HOGA1: variants seen among roughly 807,000 people sequenced by gnomAD.
HOGA1 encodes 4-hydroxy-2-oxoglutarate aldolase 1, also known as 4-hydroxy-2-oxoglutarate aldolase, mitochondrial.
HOGA1 carries 30 observed loss-of-function variants against 34.3 expected under a neutral mutation model. The observed-to-expected ratio is 0.87, with a 90% CI of 0.65 to 1.19. The LOEUF (loss-of-function observed/expected upper bound fraction) is 1.19. Ranked by LOEUF, HOGA1 falls within the 50% of genes most tolerant of loss-of-function variation. The probability of loss-of-function intolerance (pLI) is 0.00; values close to 1 mark genes in which losing one functional copy is unlikely to be tolerated. For missense variants in HOGA1, 417 were observed against 436.5 expected, an observed-to-expected ratio of 0.96 and a Z score of 0.40; for synonymous variants, 161 against 174.0, an observed-to-expected ratio of 0.93 and a Z score of 0.59.
chr10:97,590,118 A>T (rs773530578), intron 1 of HOGA1: 1 of 1,614,176 alleles, frequency 6.2e-7, no homozygotes. Context: ...TCCACGGTTC[A>T]CATAGAGACC....
In HOGA1 at chr10:97,611,535, G is replaced by T. The variant is rs138207257; in HGVS notation, c.860G>T (p.Gly287Val). Residue 287 changes from glycine to valine, a missense_variant, in exon 7 of 7, where the codon GGG (glycine) becomes GTG (valine). Gly to Val is a moderately radical substitution (Grantham distance 109). Transcript: ENST00000370646. ...GTGACCCGGCGCTTTGGGATCCCAG[G>T]GCTGAAGAAAATCATGGACTGGTTT... ...AAVTRRFGIP[G>V]LKKIMDWFGY... 96 of 1,614,104 alleles carry T rather than the reference G, an allele frequency of 5.9e-5. No individual in the cohort carries two copies. Among genetic ancestry groups the T allele is most frequent in the Admixed American group, 1.2e-4 (7 of 60,004 alleles).
intron 1 of HOGA1, among the ~76,000 whole-genome samples, chr10:97,596,464 A>G (rs2041072518): frequency 6.6e-6 from 1 of 152,182 alleles, no homozygotes; most frequent in African/African-American, 2.4e-5. Context: ...GAGTGGCAAG[A>G]GTTTGATCTT....
rs202047589 is a variant in HOGA1 at position 97,599,780 on chromosome 10, C to T, written c.569C>T (p.Pro190Leu). Residue 190 changes from proline (P) to leucine (L), a missense_variant, in exon 4 of 7, where the codon CCG becomes CTG. By Grantham distance (98) the Pro-to-Leu change is moderately conservative. Coordinates refer to ENST00000370646, the MANE Select transcript of HOGA1 (RefSeq NM_138413.4). ...GCAGTGGTCACGCTTTCCCAGCACC[C>T]GAATATTGTGGGCATGAAGGACAGC... Reference protein sequence around the residue: ...VDAVVTLSQHPNIVGMKDSGG... With the variant: ...VDAVVTLSQHLNIVGMKDSGG... 91 of 1,614,044 alleles carry T rather than the reference C, an allele frequency of 5.6e-5. No homozygotes were observed. The highest frequency in any genetic ancestry group is 3.3e-4 in the Middle Eastern group (2 of 6,084).
At chr10:97,587,667 C>T (rs1216788328) in intron 1 of HOGA1, among the ~76,000 whole-genome samples, 1 of 152,066 alleles carries the variant, frequency 6.6e-6, no homozygotes, top group Non-Finnish European at 1.5e-5. Flanking sequence ...GCCACCACGC[C>T]TGGCTAATTT....
Position 97,584,627 on chromosome 10 carries a change from A to T in HOGA1, c.-77A>T. 1 of 1,283,662 alleles carries T rather than the reference A, an allele frequency of 7.8e-7. No individual in the cohort carries two copies. The highest frequency in any genetic ancestry group is 1.1e-6 in the Non-Finnish European group (1 of 914,172). The allele number at this position is 1,283,662 out of a possible 1,614,324, so 79.5% of individuals were successfully genotyped here. A position where few individuals can be genotyped will look rare whatever the true frequency, so the allele number is the denominator to read the frequency against. ...TTTTTAACTAGAAACATTGATCATT[A>T]ATAGGGGGTTAGAAAGAGTTCAAAC... On this transcript the variant is annotated 5_prime_UTR_variant, in exon 1 of 7. Coordinates refer to ENST00000370646, the MANE Select transcript of HOGA1 (RefSeq NM_138413.4).
Position 97,600,169 on chromosome 10 carries a change from C to A in HOGA1, c.700+6C>A. On this transcript the variant is annotated splice_donor_region_variant and intron_variant, in intron 5 of 6. Coordinates refer to ENST00000370646, the MANE Select transcript of HOGA1 (RefSeq NM_138413.4). Reference sequence around the variant, plus strand: ...GATGGCCAGCTATGCCTTGGGTAGGCCGCCCACTGCTCTCAAATTGTCATG... The same window carrying A: ...GATGGCCAGCTATGCCTTGGGTAGGACGCCCACTGCTCTCAAATTGTCATG... 6.2e-7 allele frequency: 1 copy of A among 1,611,044 alleles called. No individual in the cohort carries two copies. Among genetic ancestry groups the A allele is most frequent in the South Asian group, 1.1e-5 (1 of 91,022 alleles).
At chr10:97,592,398 G>A (rs529558558) in intron 1 of HOGA1, among the ~76,000 whole-genome samples, 12 of 151,736 alleles carry the variant, frequency 7.9e-5, no homozygotes, top group Non-Finnish European at 1.6e-4. Context: ...CCGCCACCAC[G>A]CCTGGCTAAT....
At chr10:97,605,130 T>G (rs1281391426) in intron 6 of HOGA1, among the ~76,000 whole-genome samples, 1 of 151,984 alleles carries the variant, frequency 6.6e-6, no homozygotes, top group Non-Finnish European at 1.5e-5. Flanking sequence ...AACTGCTGGC[T>G]GGGTGTGGTG....
At chr10:97,599,509 T>C (rs1200702342) in intron 3 of HOGA1, 171 bp from the exon 4 acceptor site, 3 of 879,822 alleles carry the variant, frequency 3.4e-6, no homozygotes, top group Admixed American at 1.8e-5. Flanking sequence ...AAGCACTCCA[T>C]AAATATGACC....
intron 6 of HOGA1, among the ~76,000 whole-genome samples, chr10:97,607,602 T>C (rs1050648422): frequency 4.6e-5 from 7 of 152,212 alleles, no homozygotes; most frequent in Admixed American, 4.6e-4. Context: ...AGGTCCCTTG[T>C]TGGTCTTCCT....
intron 6 of HOGA1, among the ~76,000 whole-genome samples, chr10:97,607,739 A>G (rs768701226): frequency 3.3e-5 from 5 of 152,180 alleles, no homozygotes; most frequent in Non-Finnish European, 7.3e-5. Context: ...CTTATTGGGA[A>G]GAATTGGGAC....
rs1213183290 is a variant in HOGA1 at position 97,598,909 on chromosome 10, C to T, written c.340+6C>T. 2 of 1,613,570 alleles carry T rather than the reference C, an allele frequency of 1.2e-6. No individual in the cohort carries two copies. The highest frequency in any genetic ancestry group is 2.7e-5 in the African/African-American group (2 of 74,916). On this transcript the variant is annotated splice_donor_region_variant and intron_variant, in intron 2 of 6. Coordinates refer to ENST00000370646, the MANE Select transcript of HOGA1 (RefSeq NM_138413.4). ...AGCTGGCTCCGGATGCGAGTGTGAG[C>T]CAGAATGCCCTGGGCCCTGGGGGTG...
intron 1 of HOGA1, chr10:97,590,223 T>C: frequency 6.2e-7 from 1 of 1,613,796 alleles, no homozygotes; most frequent in Non-Finnish European, 8.5e-7. Context: ...ATCCAAGAGA[T>C]CCACCAGGAG....
intron 3 of HOGA1, 69 bp downstream of exon 3, chr10:97,599,285 G>A: frequency 6.3e-7 from 1 of 1,584,822 alleles, no homozygotes; most frequent in Non-Finnish European, 8.6e-7. Context: ...GCTGGGAATA[G>A]GGTGGTGCTT....
chr10:97,589,043 G>A (rs1487499900), intron 1 of HOGA1, among the ~76,000 whole-genome samples: 4 of 152,128 alleles, frequency 2.6e-5, no homozygotes, highest in Admixed American at 6.5e-5. Context: ...TGGGTTTGTA[G>A]GTGCCTCACT....
chr10:97,585,622 G>A (rs1163026359), intron 1 of HOGA1, among the ~76,000 whole-genome samples: 1 of 152,194 alleles, frequency 6.6e-6, no homozygotes, highest in Non-Finnish European at 1.5e-5. Context: ...GGGAATCTGG[G>A]CCTCAGAGTG....
intron 1 of HOGA1, among the ~76,000 whole-genome samples, chr10:97,594,773 G>A (rs377053523): frequency 6.6e-6 from 1 of 152,314 alleles, no homozygotes; most frequent in African/African-American, 2.4e-5. Context: ...TTACAGGTGT[G>A]AGCCACTGTG....
chr10:97,598,462 T>C (rs2041087733), intron 1 of HOGA1, among the ~76,000 whole-genome samples: 1 of 152,234 alleles, frequency 6.6e-6, no homozygotes, highest in Admixed American at 6.5e-5. Context: ...AGAAGGCTAT[T>C]TAAGCTTAAT....
intron 3 of HOGA1, chr10:97,599,430 A>C (rs2041098508): frequency 7.0e-6 from 5 of 718,898 alleles, no homozygotes; most frequent in Non-Finnish European, 9.4e-6. Context: ...CATCTGTCTC[A>C]TAGGGTTGCA....
Sources: allele counts gnomAD v4.1 joint callset (sites outside exome capture counted in the v4.1 genomes callset), GRCh38; gene constraint gnomAD v4.1.1; transcripts MANE v1.5; gene names NCBI Gene and HGNC (gene_info 2026-07-23, HGNC 2026-07-21).